Variants in MAD2L1BP observed in about 807,000 individuals in gnomAD.
The protein encoded by MAD2L1BP is MAD2L1 binding protein, also known as MAD2L1-binding protein.
Under a neutral mutation model 28.4 loss-of-function variants are expected in MAD2L1BP, and 22 were observed. The ratio of observed to expected loss-of-function variants is 0.77; its 90% CI spans 0.55 to 1.10. The LOEUF is 1.10. Among genes scored for constraint, MAD2L1BP ranks in the 50% least tolerant of loss-of-function variants. The pLI is 0.00. For missense variants in MAD2L1BP, 325 were observed against 350.5 expected, an observed-to-expected ratio of 0.93 and a Z score of 0.58; for synonymous variants, 146 against 133.7, an observed-to-expected ratio of 1.09 and a Z score of -0.63.
In MAD2L1BP at chr6:43,640,740, T is replaced by C; in HGVS notation, c.*207T>C. On this transcript the variant is annotated 3_prime_UTR_variant, in exon 3 of 3. Transcript: ENST00000372171. Reference sequence around the variant, plus strand: ...ACTGTAATCATTGCTGAACAACATCTCTTTGAATCAAAGGTTGATTTTCCC... The same window carrying C: ...ACTGTAATCATTGCTGAACAACATCCCTTTGAATCAAAGGTTGATTTTCCC... 1 of 545,778 alleles carries C rather than the reference T, an allele frequency of 1.8e-6. No individual in the cohort carries two copies. The highest frequency in any genetic ancestry group is 3.2e-5 in the East Asian group (1 of 31,204). The allele number at this position is 545,778 out of a possible 1,614,324, so 33.8% of individuals were successfully genotyped here.
chr6:43,633,611 G>T (rs1006422503), upstream of MAD2L1BP, among the ~76,000 whole-genome samples: 3 of 151,834 alleles, frequency 2.0e-5, no homozygotes, highest in Non-Finnish European at 4.4e-5. Context: ...TCATTATGTT[G>T]CCCAGACTGG....
At chr6:43,630,908 C>CAAAAAAAAAAAAAAAAA (rs753239311), upstream of MAD2L1BP, among the ~76,000 whole-genome samples, 1 of 53,626 alleles carries the variant, frequency 1.9e-5, no homozygotes, top group Non-Finnish European at 3.8e-5. Context: ...GACTTCGTCT[C>CAAAAAAAAAAAAAAAAA]AAAAAAAAAA....
At chr6:43,630,274 G>C (rs973106949) in intron 1 of MAD2L1BP, among the ~76,000 whole-genome samples, 1 of 152,216 alleles carries the variant, frequency 6.6e-6, no homozygotes, top group Admixed American at 6.5e-5. Context: ...ACATAAGCCA[G>C]TGCACAGAAC....
At chr6:43,635,780 C>A, upstream of MAD2L1BP, 2 of 1,313,900 alleles carry the variant, frequency 1.5e-6, no homozygotes, top group Admixed American at 3.7e-5. Context: ...CGCCTTTTTT[C>A]CGACCCAACT....
upstream of MAD2L1BP, among the ~76,000 whole-genome samples, chr6:43,634,994 A>G (rs755880959): frequency 6.6e-6 from 1 of 152,156 alleles, no homozygotes; most frequent in Non-Finnish European, 1.5e-5. Context: ...GGCTGCTTTC[A>G]TCAAGTACTC....
rs1561932269 is a variant in MAD2L1BP, at chr6:43,640,437, G to A, written c.729G>A (p.Val243=). 1 of 1,613,902 alleles carries A rather than the reference G, an allele frequency of 6.2e-7. No homozygotes were observed. Among genetic ancestry groups the A allele is most frequent in the African/African-American group, 1.3e-5 (1 of 75,048 alleles). ...RVPSRGHKLT[V]TLSCGRPSIR... is the part of the protein sequence containing the mutation. ...CCAGCCGGGGCCATAAACTGACTGT[G>A]ACCCTGTCATGTGGCAGACCTTCCA... The change falls in exon 3 of 3, where the codon GTG becomes GTA. Residue 243 remains valine, a synonymous_variant. Coordinates refer to ENST00000372171, the MANE Select transcript of MAD2L1BP (RefSeq NM_014628.3).
chr6:43,637,284 C>G (rs536700897), intron 2 of MAD2L1BP, among the ~76,000 whole-genome samples: 1 of 151,606 alleles, frequency 6.6e-6, no homozygotes, highest in East Asian at 2.0e-4. Flanking sequence ...AGGCTGGTCT[C>G]GAACTCCTGA....
upstream of MAD2L1BP, chr6:43,633,207 CTG>C (rs1423444488): frequency 1.9e-5 from 8 of 430,266 alleles, no homozygotes; most frequent in Non-Finnish European, 4.6e-6. Context: ...GAGTCTCACT[CTG>C]TCACCCAGGC....
At chr6:43,632,611 C>A, upstream of MAD2L1BP, among the ~76,000 whole-genome samples, 1 of 151,386 alleles carries the variant, frequency 6.6e-6, no homozygotes, top group East Asian at 1.9e-4. Flanking sequence ...ACCTCTGGTC[C>A]CTACTTCCTG....
chr6:43,631,412 G>A (rs1431618248), upstream of MAD2L1BP, among the ~76,000 whole-genome samples: 1 of 152,174 alleles, frequency 6.6e-6, no homozygotes, highest in Non-Finnish European at 1.5e-5. Flanking sequence ...ACCAGCCCTG[G>A]GCCCTCTTGA....
At position 43,640,013 on chromosome 6, in the gene MAD2L1BP, C is replaced by T; in HGVS notation, c.313-8C>T. On this transcript the variant is annotated splice_polypyrimidine_tract_variant and splice_region_variant and intron_variant, in intron 2 of 2. Transcript: ENST00000372171. ...GTTCTTCTCTCCCACCATTCTTTGT[C>T]CTCACAGGCAGAGGAGATGCTGAAG... 3 of 1,514,742 alleles carry T rather than the reference C, an allele frequency of 2.0e-6. No homozygotes were observed. The highest frequency in any genetic ancestry group is 2.7e-6 in the Non-Finnish European group (3 of 1,129,858). 93.8% of individuals were successfully genotyped at this position (1,514,742 alleles called of 1,614,324 possible). A position where few individuals can be genotyped will look rare whatever the true frequency, so the allele number is the denominator to read the frequency against.
chr6:43,638,022 G>C (rs1007375911), intron 2 of MAD2L1BP, among the ~76,000 whole-genome samples: 5 of 151,814 alleles, frequency 3.3e-5, no homozygotes, highest in African/African-American at 1.2e-4. Flanking sequence ...CCTCAGCCTC[G>C]AAGTAGCTGG....
chr6:43,640,024 G>C lies in MAD2L1BP; in HGVS notation c.316G>C (p.Glu106Gln), dbSNP rs765696104. The C allele has an allele frequency of 3.3e-6, 5 of 1,524,912 alleles. No homozygotes were observed. Among genetic ancestry groups the C allele is most frequent in the South Asian group, 1.3e-5 (1 of 76,888 alleles). 94.5% of individuals were successfully genotyped at this position (1,524,912 alleles called of 1,614,324 possible). A position where few individuals can be genotyped will look rare whatever the true frequency, so the allele number is the denominator to read the frequency against. ...HFYRKPSPQA[E>Q]EMLKKKPRAT... is the part of the protein sequence containing the mutation. The stretch of plus-strand genomic sequence containing the variant: ...CCACCATTCTTTGTCCTCACAGGCA[G>C]AGGAGATGCTGAAGAAGAAACCTCG... The change falls in exon 3 of 3, where the codon GAG (glutamate) becomes CAG (glutamine). Residue 106 changes from glutamate (E) to glutamine (Q), a missense_variant. Transcript: ENST00000372171.
intron 1 of MAD2L1BP, 72 bp downstream of exon 1, chr6:43,635,993 G>A (rs1338747349): frequency 7.0e-7 from 1 of 1,433,182 alleles, no homozygotes; most frequent in Middle Eastern, 1.9e-4. Flanking sequence ...CCATCCATTC[G>A]TTTATCCGCT....
exon 1 of MAD2L1BP, chr6:43,629,671 T>C: frequency 6.8e-7 from 1 of 1,462,866 alleles, no homozygotes; most frequent in Admixed American, 2.0e-5. Context: ...CAACAGGTTT[T>C]GGACCTCGAG....
At chr6:43,630,725 A>AC (rs796145950) in intron 1 of MAD2L1BP, among the ~76,000 whole-genome samples, 14 of 151,016 alleles carry the variant, frequency 9.3e-5, no homozygotes, top group African/African-American at 3.2e-4. Context: ...CCTGGGCAAC[A>AC]GAGCGAGACT....
At chr6:43,636,919 C>T (rs1189148149) in intron 2 of MAD2L1BP, 1 of 419,376 alleles carries the variant, frequency 2.4e-6, no homozygotes, top group Non-Finnish European at 4.4e-6. Flanking sequence ...GCTCTGTTGC[C>T]CAGGCTAGAG....
intron 2 of MAD2L1BP, among the ~76,000 whole-genome samples, chr6:43,639,344 T>G (rs956874684): frequency 6.6e-6 from 1 of 152,178 alleles, no homozygotes; most frequent in African/African-American, 2.4e-5. Flanking sequence ...TTTCGCCATG[T>G]TAGCCAGGAT....
upstream of MAD2L1BP, among the ~76,000 whole-genome samples, chr6:43,633,561 TA>T: frequency 6.6e-6 from 1 of 151,934 alleles, no homozygotes; most frequent in Non-Finnish European, 1.5e-5. Flanking sequence ...ACCTGACACT[TA>T]TTTAATTTAT....
Sources: gnomAD v4.1 joint callset for allele counts (sites outside exome capture counted in the v4.1 genomes callset) on GRCh38, gnomAD v4.1.1 for gene constraint, MANE v1.5 for transcripts, NCBI Gene and HGNC (gene_info 2026-07-23, HGNC 2026-07-21) for gene names.